The following CACNA1D variants were observed in gnomAD, a reference collection of about 807,000 sequenced individuals.
CACNA1D encodes the protein calcium voltage-gated channel subunit alpha1 D, also known as voltage-dependent L-type calcium channel subunit alpha-1D.
A neutral mutation model predicts 257.1 loss-of-function variants in CACNA1D; 55 were observed. The ratio of observed to expected loss-of-function variants is 0.21; its 90% CI spans 0.17 to 0.27. CACNA1D has a LOEUF of 0.27. CACNA1D is among the 10% of genes least tolerant of loss of function. The pLI is 1.00. For synonymous variants in CACNA1D, 980 were observed against 1,014.9 expected (o/e 0.97, Z 0.65); for missense variants, 1,876 against 2,784.0 (o/e 0.67, Z 7.34).
intron 3 of CACNA1D, among the ~76,000 whole-genome samples, chr3:53,593,495 C>T (rs1302335144): frequency 1.3e-5 from 2 of 152,208 alleles, no homozygotes; most frequent in Non-Finnish European, 2.9e-5. Context: ...GGAAGAAATA[C>T]ACCCCAAGCC....
At chr3:53,707,055 G>T (rs1251776829) in intron 9 of CACNA1D, among the ~76,000 whole-genome samples, 1 of 152,108 alleles carries the variant, frequency 6.6e-6, no homozygotes, top group African/African-American at 2.4e-5. Context: ...GGGCAGCACA[G>T]CTTTCAGGCT....
intron 3 of CACNA1D, among the ~76,000 whole-genome samples, chr3:53,576,285 A>C (rs1199215467): frequency 6.6e-6 from 1 of 152,226 alleles, no homozygotes; most frequent in Non-Finnish European, 1.5e-5. Context: ...TTTGACTCAT[A>C]GGTCAGTTTG....
At chr3:53,553,967 C>A (rs373908363) in intron 3 of CACNA1D, among the ~76,000 whole-genome samples, 1 of 151,606 alleles carries the variant, frequency 6.6e-6, no homozygotes, top group South Asian at 2.1e-4. Flanking sequence ...GAGGCCAAGG[C>A]GGGCAGATCA....
At chr3:53,691,906 T>TTA (rs1553637222) in intron 8 of CACNA1D, among the ~76,000 whole-genome samples, 1 of 52,388 alleles carries the variant, frequency 1.9e-5, no homozygotes, top group African/African-American at 6.4e-5. Context: ...ATTACATATA[T>TTA]TATATATAAT....
chr3:53,791,246 G>T (rs575948610), intron 40 of CACNA1D: 2 of 549,132 alleles, frequency 3.6e-6, no homozygotes, highest in Non-Finnish European at 6.5e-6. Context: ...CGTTGCTCAC[G>T]GTGGTTCTTT....
chr3:53,804,427 C>A (rs1363144570), intron 44 of CACNA1D, among the ~76,000 whole-genome samples: 2 of 152,230 alleles, frequency 1.3e-5, no homozygotes, highest in East Asian at 3.8e-4. Context: ...GCCTCATCCC[C>A]CCTGTCGAGG....
At chr3:53,508,637 C>G (rs757413457) in intron 3 of CACNA1D, among the ~76,000 whole-genome samples, 7 of 152,276 alleles carry the variant, frequency 4.6e-5, no homozygotes, top group Non-Finnish European at 8.8e-5. Context: ...AAACAGAGAC[C>G]TCTGTAGCAG....
chr3:53,710,195 G>A (rs1041893464), intron 9 of CACNA1D, among the ~76,000 whole-genome samples: 6 of 152,226 alleles, frequency 3.9e-5, no homozygotes, highest in Non-Finnish European at 8.8e-5. Context: ...ACAGGTGTTT[G>A]TGTAATAGCT....
chr3:53,749,950 G>A (rs1468397631), intron 27 of CACNA1D, among the ~76,000 whole-genome samples: 6 of 152,220 alleles, frequency 3.9e-5, no homozygotes, highest in Admixed American at 2.6e-4. Flanking sequence ...CCAGCTGTTA[G>A]ATGCCAATGG....
chr3:53,653,262 C>T (rs2094116461), intron 4 of CACNA1D, among the ~76,000 whole-genome samples: 1 of 151,930 alleles, frequency 6.6e-6, no homozygotes, highest in Admixed American at 6.6e-5. Context: ...AAAAAAAAAG[C>T]AAACTGATAT....
At chr3:53,590,675 A>G (rs898501765) in intron 3 of CACNA1D, among the ~76,000 whole-genome samples, 11 of 152,218 alleles carry the variant, frequency 7.2e-5, no homozygotes, top group African/African-American at 2.7e-4. Flanking sequence ...GCTTTGGGCC[A>G]GATTCCTTGA....
At chr3:53,718,452 A>G in intron 10 of CACNA1D, 64 bp downstream of exon 10, 1 of 1,475,614 alleles carries the variant, frequency 6.8e-7, no homozygotes, top group East Asian at 2.3e-5. Flanking sequence ...GGTGGTGAGG[A>G]AGACCGCCCA....
chr3:53,708,994 A>G (rs973039557), intron 9 of CACNA1D, among the ~76,000 whole-genome samples: 2 of 152,212 alleles, frequency 1.3e-5, no homozygotes, highest in African/African-American at 2.4e-5. Context: ...AAAAACTGCT[A>G]CAATGGACTA....
At chr3:53,607,391 G>T (rs2093525346) in intron 3 of CACNA1D, among the ~76,000 whole-genome samples, 1 of 152,220 alleles carries the variant, frequency 6.6e-6, no homozygotes, top group South Asian at 2.1e-4. Context: ...TTATCACATG[G>T]ACCCTTAAAA....
chr3:53,525,285 A>G (rs1361862056), intron 3 of CACNA1D, among the ~76,000 whole-genome samples: 2 of 152,214 alleles, frequency 1.3e-5, no homozygotes, highest in African/African-American at 4.8e-5. Flanking sequence ...GAGCAGTAGA[A>G]GTAAAAATCC....
chr3:53,623,591 G>C (rs1017045593), intron 3 of CACNA1D, among the ~76,000 whole-genome samples: 2 of 151,996 alleles, frequency 1.3e-5, no homozygotes, highest in Non-Finnish European at 2.9e-5. Flanking sequence ...AGCATGAAGG[G>C]AAGATAATTA....
At chr3:53,506,675 GCTGA>G (rs1360562769) in intron 3 of CACNA1D, among the ~76,000 whole-genome samples, 3 of 152,152 alleles carry the variant, frequency 2.0e-5, no homozygotes, top group African/African-American at 7.2e-5. Context: ...TGCCTGAGAG[GCTGA>G]CTTTTTGTCC....
intron 30 of CACNA1D, among the ~76,000 whole-genome samples, chr3:53,763,844 A>G (rs1264992332): frequency 6.6e-6 from 1 of 152,178 alleles, no homozygotes; most frequent in African/African-American, 2.4e-5. Flanking sequence ...CAGCTCCCTC[A>G]TGGGCCAAGT....
At chr3:53,500,426 C>G (rs376916721) in intron 2 of CACNA1D, among the ~76,000 whole-genome samples, 2 of 117,584 alleles carry the variant, frequency 1.7e-5, no homozygotes, top group African/African-American at 6.3e-5. Context: ...CAGTGAGACC[C>G]CATCTCAAAA....
Sources: allele counts gnomAD v4.1 joint callset (sites outside exome capture counted in the v4.1 genomes callset), GRCh38; gene constraint gnomAD v4.1.1; transcripts MANE v1.5; gene names NCBI Gene and HGNC (gene_info 2026-07-23, HGNC 2026-07-21).